UBE2Q2: variants seen among roughly 807,000 people sequenced by gnomAD.
The protein encoded by UBE2Q2 is ubiquitin-conjugating enzyme E2 Q2.
Under a neutral mutation model 59.9 loss-of-function variants are expected in UBE2Q2, and 54 were observed. The observed-to-expected ratio is 0.90, with a 90% CI of 0.72 to 1.13. The LOEUF is 1.13. UBE2Q2 is among the 50% of genes most tolerant of loss of function. UBE2Q2 has a pLI of 0.00. For synonymous variants in UBE2Q2, 165 were observed against 155.2 expected, an observed-to-expected ratio of 1.06 and a Z score of -0.47; for missense variants, 433 against 441.9, an observed-to-expected ratio of 0.98 and a Z score of 0.18.
chr15:75,864,988 C>T (rs1227879985), intron 3 of UBE2Q2, among the ~76,000 whole-genome samples: 5 of 152,222 alleles, frequency 3.3e-5, no homozygotes, highest in African/African-American at 1.2e-4. Flanking sequence ...CATTTGTTCA[C>T]ATTGCCATAC....
intron 7 of UBE2Q2, 55 bp from the exon 8 acceptor site, chr15:75,879,043 A>T: frequency 3.0e-6 from 4 of 1,319,888 alleles, no homozygotes; most frequent in Non-Finnish European, 1.0e-6. Context: ...AGTTTAGTTA[A>T]AAAAAAAAAT....
intron 6 of UBE2Q2, 50 bp from the exon 7 acceptor site, chr15:75,877,911 T>C (rs941623785): frequency 1.9e-6 from 3 of 1,542,472 alleles, no homozygotes; most frequent in African/African-American, 2.7e-5. Flanking sequence ...ACCATAGTAA[T>C]AGTTATATGA....
intron 4 of UBE2Q2, among the ~76,000 whole-genome samples, chr15:75,872,001 A>C (rs906877385): frequency 3.3e-5 from 5 of 152,212 alleles, no homozygotes; most frequent in Non-Finnish European, 7.3e-5. Context: ...CATTTGTGAG[A>C]ATTGTGAGGA....
rs1363758315 is a variant in UBE2Q2 at position 75,875,296 on chromosome 15, T to TC, written c.589-891_589-890insC. Among the ~76,000 whole-genome samples the TC allele has an allele frequency of 4.9e-3, 9 of 1,850 alleles. No individual in the cohort carries two copies. The Admixed American group carries it at 0.25, about 51-fold the overall frequency. 1.2% of individuals were successfully genotyped at this position (1,850 alleles called of 152,430 possible). On this transcript the variant is annotated intron_variant, in intron 5 of 12. Coordinates refer to ENST00000267938, the MANE Select transcript of UBE2Q2 (RefSeq NM_173469.4). The stretch of plus-strand genomic sequence containing the variant: ...ATATGAAATGAGCTAGGAAACTTGA[T>TC]TTTTCCCCCCTTCAAAGTATAGTGC...
At chr15:75,870,561 C>T (rs899326550) in intron 4 of UBE2Q2, among the ~76,000 whole-genome samples, 6 of 152,014 alleles carry the variant, frequency 3.9e-5, no homozygotes, top group African/African-American at 1.4e-4. Flanking sequence ...TTCTTTTTCC[C>T]CTCATAAGAT....
Position 75,883,851 on chromosome 15 carries a change from C to T in UBE2Q2, c.884+427C>T, listed in dbSNP as rs201711870. On this transcript the variant is annotated intron_variant, in intron 9 of 12. Coordinates refer to ENST00000267938, the MANE Select transcript of UBE2Q2 (RefSeq NM_173469.4). ...ATGTATTTATACATACACACACACA[C>T]ACACACACACACACGTATATATACG... 5.4e-3 allele frequency among the ~76,000 whole-genome samples: 11 copies of T among 2,034 alleles called. No homozygotes were observed. The East Asian group carries it at 0.34, about 64-fold the overall frequency. The allele number at this position is 2,034 out of a possible 152,430, so 1.3% of individuals were successfully genotyped here. A position where few individuals can be genotyped will look rare whatever the true frequency, so the allele number is the denominator to read the frequency against.
In UBE2Q2 at chr15:75,843,647, C is replaced by T. The variant is rs754013912; in HGVS notation, c.-20C>T. 1 of 1,575,944 alleles carries T rather than the reference C, an allele frequency of 6.3e-7. No individual in the cohort carries two copies. The highest frequency in any genetic ancestry group is 2.5e-5 in the East Asian group (1 of 39,644). On this transcript the variant is annotated 5_prime_UTR_variant, in exon 1 of 13. Transcript: ENST00000267938. ...GCCCGGCTCCCCTTCCGCGCCCCTC[C>T]CGCCGGAGATGAGGGGAAGATGTCC... is the stretch of plus-strand genomic sequence containing the variant.
At chr15:75,871,171 A>G (rs996950960) in intron 4 of UBE2Q2, among the ~76,000 whole-genome samples, 2 of 152,252 alleles carry the variant, frequency 1.3e-5, no homozygotes, top group South Asian at 2.1e-4. Context: ...GCTTTTAGAT[A>G]TGCATGCACA....
chr15:75,889,369 A>T (rs527950602), intron 9 of UBE2Q2, among the ~76,000 whole-genome samples: 1 of 152,266 alleles, frequency 6.6e-6, no homozygotes, highest in South Asian at 2.1e-4. Context: ...TCTTTCCCTT[A>T]TTTTATTATT....
chr15:75,878,792 T>C (rs1393878163), intron 7 of UBE2Q2, among the ~76,000 whole-genome samples: 1 of 152,048 alleles, frequency 6.6e-6, no homozygotes, highest in Non-Finnish European at 1.5e-5. Context: ...CCTAAACTTT[T>C]TTTGAGTTCT....
chr15:75,884,219 C>T (rs191966813), intron 9 of UBE2Q2, among the ~76,000 whole-genome samples: 200 of 152,268 alleles, frequency 1.3e-3, no homozygotes, highest in South Asian at 3.5e-3. Flanking sequence ...TTCCAACACT[C>T]GGGTGACTAA....
intron 1 of UBE2Q2, among the ~76,000 whole-genome samples, chr15:75,850,559 T>C (rs1168092895): frequency 6.6e-6 from 1 of 152,044 alleles, no homozygotes; most frequent in Non-Finnish European, 1.5e-5. Flanking sequence ...TCACTGGAAA[T>C]GGGGTGGGCT....
intron 5 of UBE2Q2, among the ~76,000 whole-genome samples, chr15:75,875,132 T>TA (rs1418243576): frequency 6.6e-6 from 1 of 152,236 alleles, no homozygotes; most frequent in East Asian, 1.9e-4. Context: ...AACTATAAGT[T>TA]ACTGAACACT....
At position 75,883,367 on chromosome 15, in the gene UBE2Q2, AT is replaced by A. The variant is rs1267278982; in HGVS notation, c.828del (p.Asp276GlufsTer44). On this transcript the variant is annotated frameshift_variant and splice_region_variant, in exon 9 of 13. Transcript: ENST00000267938. LOFTEE classifies it high-confidence loss of function. ...EYILLNFSFK[D>X]NFPFDPPFVR... Reference sequence around the variant, plus strand: ...TAAACTTGCTTATTTGCTTTTTAGGATAACTTTCCATTTGATCCTCCATTTG... The same window carrying A: ...TAAACTTGCTTATTTGCTTTTTAGGAAACTTTCCATTTGATCCTCCATTTG... The A allele has an allele frequency of 2.5e-6, 4 of 1,613,056 alleles. No homozygotes were observed. The Middle Eastern group carries it at 5.0e-4, about 200-fold the overall frequency.
intron 11 of UBE2Q2, among the ~76,000 whole-genome samples, 176 bp downstream of exon 11, chr15:75,891,190 TACTA>T (rs1447951467): frequency 1.3e-4 from 20 of 152,332 alleles, no homozygotes; most frequent in African/African-American, 4.8e-4. Context: ...AAATTAAAGA[TACTA>T]ATTGATAATC....
chr15:75,884,475 T>G (rs1299148341), intron 9 of UBE2Q2, among the ~76,000 whole-genome samples: 1 of 152,206 alleles, frequency 6.6e-6, no homozygotes, highest in Non-Finnish European at 1.5e-5. Context: ...CATTTCTGTG[T>G]AGTCAGAATA....
chr15:75,844,278 T>A, intron 1 of UBE2Q2: 1 of 1,538,532 alleles, frequency 6.5e-7, no homozygotes, highest in Non-Finnish European at 8.8e-7. Context: ...TAACGCCTCA[T>A]TTTTCAGTCG....
At position 75,860,192 on chromosome 15, in the gene UBE2Q2, A is replaced by G. The variant is rs185320732; in HGVS notation, c.387+210A>G. 7.0e-4 allele frequency among the ~76,000 whole-genome samples: 106 copies of G among 152,324 alleles called. 1 individual carries two copies. Among genetic ancestry groups the G allele is most frequent in the Non-Finnish European group, 5.9e-4 (40 of 68,024 alleles). On this transcript the variant is annotated intron_variant, in intron 3 of 12. Coordinates refer to ENST00000267938, the MANE Select transcript of UBE2Q2 (RefSeq NM_173469.4). ...CTGGTATTTACTATACAGGCAAACA[A>G]TTGCCCTTCTCTCTACCACCACCTT...
In UBE2Q2 at chr15:75,844,188, C is replaced by T. The variant is rs931692896; in HGVS notation, c.180+342C>T. Reference sequence around the variant, plus strand: ...GCCCTCAGCCGGCCTGCTCCCGGGACCGGGGCGGGGCGGGGCGGGGCGGCG... The same window carrying T: ...GCCCTCAGCCGGCCTGCTCCCGGGATCGGGGCGGGGCGGGGCGGGGCGGCG... On this transcript the variant is annotated intron_variant, in intron 1 of 12. Transcript: ENST00000267938. 4 of 1,445,658 alleles carry T rather than the reference C, an allele frequency of 2.8e-6. No homozygotes were observed. In the African/African-American group the frequency reaches 5.7e-5, roughly 21 times the overall value. 89.6% of individuals were successfully genotyped at this position (1,445,658 alleles called of 1,614,324 possible). A position where few individuals can be genotyped will look rare whatever the true frequency, so the allele number is the denominator to read the frequency against.
Sources: allele counts gnomAD v4.1 joint callset (sites outside exome capture counted in the v4.1 genomes callset), GRCh38; gene constraint gnomAD v4.1.1; transcripts MANE v1.5; gene names NCBI Gene and HGNC (gene_info 2026-07-23, HGNC 2026-07-21).